Variants in LGALS8 observed in about 807,000 individuals in gnomAD.
LGALS8 encodes the protein galectin-8.
A neutral mutation model predicts 35.9 loss-of-function variants in LGALS8; 30 were observed. The ratio of observed to expected loss-of-function variants is 0.83; its 90% confidence interval spans 0.62 to 1.13. The LOEUF (loss-of-function observed/expected upper bound fraction) is 1.13, where lower values mean the gene tolerates loss of function less well. LGALS8 is among the 50% of genes most tolerant of loss of function. The pLI, the probability that LGALS8 is intolerant of heterozygous loss-of-function variation, is 0.00. For missense variants in LGALS8, 366 were observed against 388.7 expected, an observed-to-expected ratio of 0.94 and a Z score of 0.49; for synonymous variants, 138 against 136.1, an observed-to-expected ratio of 1.01 and a Z score of -0.10.
rs1017298640 is a variant in LGALS8 at position 236,544,902 on chromosome 1, G to A, written c.791G>A (p.Gly264Glu). Residue 264 changes from glycine to glutamate, a missense_variant, in exon 9 of 10, where the codon GGG becomes GAG. By Grantham distance (98) the Gly-to-Glu change is moderately conservative. Transcript: ENST00000366584. ...RNITSFPFSP[G>E]MYFEMIIYCD... The stretch of plus-strand genomic sequence containing the variant: ...ATTACCTCTTTCCCATTTAGTCCTG[G>A]GATGTACTTTGAGGTGAGGTTACAG... The A allele has an allele frequency of 6.2e-7, 1 of 1,608,642 alleles. No homozygotes were observed. The highest frequency in any genetic ancestry group is 8.5e-7 in the Non-Finnish European group (1 of 1,177,318).
Position 236,541,705 on chromosome 1 carries a change from G to C in LGALS8, c.517G>C (p.Glu173Gln). 1.3e-6 allele frequency: 2 copies of C among 1,491,050 alleles called. No individual in the cohort carries two copies. The highest frequency in any genetic ancestry group is 1.8e-6 in the Non-Finnish European group (2 of 1,094,238). 92.4% of individuals were successfully genotyped at this position (1,491,050 alleles called of 1,614,324 possible). ...TCTGGAACTGACAGAGATAAGTAGA[G>C]AAAATGTAAATATTAAATCTTTTAA... ...SSLELTEISRENVPKSGTPQL... is the reference protein window; with the variant it reads ...SSLELTEISRQNVPKSGTPQL... The change falls in exon 6 of 10, where the codon GAA (glutamate) becomes CAA (glutamine). Residue 173 changes from glutamate to glutamine, a missense_variant. Physicochemically the swap from Glu to Gln is conservative, Grantham distance 29 (BLOSUM62 2). Coordinates refer to ENST00000366584, the MANE Select transcript of LGALS8 (RefSeq NM_201544.4).
chr1:236,543,332 C>T (rs61831365), intron 7 of LGALS8: 12 of 671,796 alleles, frequency 1.8e-5, no homozygotes, highest in Admixed American at 4.1e-5. Context: ...CATCGGGTCC[C>T]ACCCTGTCAC....
At position 236,537,469 on chromosome 1, in the gene LGALS8, C is replaced by T. The variant is rs184127322; in HGVS notation, c.46-28C>T. The T allele has an allele frequency of 1.4e-5, 20 of 1,393,616 alleles. No individual in the cohort carries two copies. The East Asian group carries it at 2.0e-4, about 14-fold the overall frequency. 86.3% of individuals were successfully genotyped at this position (1,393,616 alleles called of 1,614,324 possible). On this transcript the variant is annotated intron_variant, in intron 2 of 9. Transcript: ENST00000366584. ...TAGTAAGTAATTTTGTTTATGTAAA[C>T]GTACATTTGTTAAATTTTTTTTCTT...
upstream of LGALS8, among the ~76,000 whole-genome samples, chr1:236,519,331 C>T (rs982977056): frequency 6.6e-6 from 1 of 150,772 alleles, no homozygotes; most frequent in South Asian, 2.1e-4. Flanking sequence ...GTCACTGCTG[C>T]AGTGAGCCAT....
At chr1:236,532,786 G>T (rs528350281) in intron 2 of LGALS8, among the ~76,000 whole-genome samples, 191 of 152,326 alleles carry the variant, frequency 1.3e-3, no homozygotes, top group African/African-American at 4.3e-3. Flanking sequence ...GGAGATTGCA[G>T]TAAGCCGAGA....
At chr1:236,546,503 T>G (rs190246099) in intron 9 of LGALS8, among the ~76,000 whole-genome samples, 60 of 151,840 alleles carry the variant, frequency 4.0e-4, no homozygotes, top group African/African-American at 1.4e-3. Flanking sequence ...TCATTCAGTG[T>G]TGTAATTTCA....
At position 236,549,025 on chromosome 1, in the gene LGALS8, T is replaced by A; in HGVS notation, c.*864T>A. On this transcript the variant is annotated 3_prime_UTR_variant, in exon 10 of 10. Transcript: ENST00000366584. ...ATGCATTCAATTTGAAAGATATTTA[T>A]GGGCAACAAAGTAAGGTCAGGATTA... The A allele has an allele frequency of 2.5e-6, 1 of 398,610 alleles. No individual in the cohort carries two copies. The highest frequency in any genetic ancestry group is 4.4e-6 in the Non-Finnish European group (1 of 226,060). 24.7% of individuals were successfully genotyped at this position (398,610 alleles called of 1,614,324 possible).
rs1270740170 is a variant in LGALS8 at position 236,548,061 on chromosome 1, T to A, written c.854T>A (p.Val285Glu). 6.2e-7 allele frequency: 1 copy of A among 1,613,442 alleles called. No homozygotes were observed. The highest frequency in any genetic ancestry group is 1.1e-5 in the South Asian group (1 of 91,060). The change falls in exon 10 of 10, where the codon GTA becomes GAA. Residue 285 changes from valine to glutamate, a missense_variant. By Grantham distance (121) the Val-to-Glu change is moderately radical (BLOSUM62 -2). Coordinates refer to ENST00000366584, the MANE Select transcript of LGALS8 (RefSeq NM_201544.4). ...GAATTCAAGGTTGCAGTAAATGGCG[T>A]ACACAGCCTGGAGTACAAACACAGA... Reference protein sequence around the residue: ...VREFKVAVNGVHSLEYKHRFK... With the variant: ...VREFKVAVNGEHSLEYKHRFK...
chr1:236,529,873 G>A (rs1661052091), intron 2 of LGALS8, among the ~76,000 whole-genome samples: 1 of 151,988 alleles, frequency 6.6e-6, no homozygotes, highest in African/African-American at 2.4e-5. Context: ...GCCTGGTCTC[G>A]AACTCCTGAG....
chr1:236,528,242 C>T (rs925904806), intron 2 of LGALS8, among the ~76,000 whole-genome samples: 2 of 151,726 alleles, frequency 1.3e-5, no homozygotes, highest in East Asian at 2.0e-4. Flanking sequence ...ATTAGCCAGG[C>T]GTGATGGCAG....
In LGALS8 at chr1:236,543,652, A is replaced by T; in HGVS notation, c.638+4A>T. 1 of 1,608,780 alleles carries T rather than the reference A, an allele frequency of 6.2e-7. No individual in the cohort carries two copies. The highest frequency in any genetic ancestry group is 8.5e-7 in the Non-Finnish European group (1 of 1,175,114). Reference sequence around the variant, plus strand: ...AAGTGAATGCAAATGCCAAAAGGTCAGTATCCTTCGGTACCAGTCACAGTG... The same window carrying T: ...AAGTGAATGCAAATGCCAAAAGGTCTGTATCCTTCGGTACCAGTCACAGTG... On this transcript the variant is annotated splice_donor_region_variant and intron_variant, in intron 8 of 9. Transcript: ENST00000366584.
At position 236,551,128 on chromosome 1, in the gene LGALS8, G is replaced by A; in HGVS notation, c.*2967G>A. 1.5e-6 allele frequency: 1 copy of A among 677,360 alleles called. No homozygotes were observed. The highest frequency in any genetic ancestry group is 2.1e-5 in the South Asian group (1 of 46,860). 42.0% of individuals were successfully genotyped at this position (677,360 alleles called of 1,614,324 possible). ...GAGTGAAATGAAGCACATTAACAAA[G>A]CAGGAGGCGCCACGGACCGCCTCCC... is the stretch of plus-strand genomic sequence containing the variant. On this transcript the variant is annotated 3_prime_UTR_variant, in exon 10 of 10. Coordinates refer to ENST00000366584, the MANE Select transcript of LGALS8 (RefSeq NM_201544.4).
chr1:236,543,049 A>G, intron 7 of LGALS8: 1 of 1,613,528 alleles, frequency 6.2e-7, no homozygotes, highest in Non-Finnish European at 8.5e-7. Flanking sequence ...AGGTTTGAAG[A>G]GCACCAAATT....
chr1:236,539,274 T>G, intron 4 of LGALS8, 185 bp downstream of exon 4: 1 of 590,256 alleles, frequency 1.7e-6, no homozygotes, highest in Non-Finnish European at 3.1e-6. Flanking sequence ...ACCACTACTC[T>G]CCAGCCAGTT....
At position 236,537,021 on chromosome 1, in the gene LGALS8, C is replaced by CTTTTTTTTT. The variant is rs60024224; in HGVS notation, c.46-471_46-463dup. Reference sequence around the variant, plus strand: ...ATCCTGGCCATGAGGTATGCAGTTCCTTTTTTTTTTTTTGAGACGGAGCCT... The same window carrying CTTTTTTTTT: ...ATCCTGGCCATGAGGTATGCAGTTCCTTTTTTTTTTTTTTTTTTTTTTGAGACGGAGCCT... On this transcript the variant is annotated intron_variant, in intron 2 of 9. Transcript: ENST00000366584. 2.3e-4 allele frequency among the ~76,000 whole-genome samples: 32 copies of CTTTTTTTTT among 137,884 alleles called. 1 individual carries two copies. Among genetic ancestry groups the CTTTTTTTTT allele is most frequent in the African/African-American group, 8.1e-4 (28 of 34,460 alleles). 90.5% of individuals were successfully genotyped at this position (137,884 alleles called of 152,430 possible).
chr1:236,518,331 AAG>A (rs1281308915), intron 1 of LGALS8: 3 of 152,172 alleles, frequency 2.0e-5, no homozygotes, highest in African/African-American at 2.4e-5. Context: ...GGTGAAAAAA[AAG>A]AGTTTGGTGC....
chr1:236,525,306 G>T (rs1270776258), intron 1 of LGALS8: 1 of 152,028 alleles, frequency 6.6e-6, no homozygotes, highest in African/African-American at 2.4e-5. Context: ...CCAATGATGT[G>T]AATACTGTAA....
At chr1:236,541,493 G>C (rs1001134139) in intron 5 of LGALS8, 161 bp from the exon 6 acceptor site, 1 of 505,820 alleles carries the variant, frequency 2.0e-6, no homozygotes, top group Non-Finnish European at 3.5e-6. Context: ...TTGCCAATCT[G>C]ATGGGGGGCG....
At chr1:236,522,232 C>T (rs918268725), upstream of LGALS8, among the ~76,000 whole-genome samples, 1 of 152,146 alleles carries the variant, frequency 6.6e-6, no homozygotes, top group Non-Finnish European at 1.5e-5. Context: ...CCCGTTTGCA[C>T]CTAAATATGA....
Sources: allele counts gnomAD v4.1 joint callset (sites outside exome capture counted in the v4.1 genomes callset), GRCh38; gene constraint gnomAD v4.1.1; transcripts MANE v1.5; gene names NCBI Gene and HGNC (gene_info 2026-07-23, HGNC 2026-07-21).